The following TBX3 variants were observed in gnomAD, a reference collection of about 807,000 sequenced individuals.
TBX3 encodes the protein T-box transcription factor TBX3.
In TBX3, 11 loss-of-function variants were observed where a neutral mutation model predicts 47.8. That is an observed-to-expected ratio of 0.23 (90% confidence interval 0.14 to 0.38). TBX3 has a LOEUF of 0.38. Ranked by LOEUF, TBX3 falls within the 10% of genes least tolerant of loss-of-function variation. The pLI is 1.00. For missense variants in TBX3, 927 were observed against 1,022.8 expected (o/e 0.91, Z 1.28); for synonymous variants, 500 against 449.3 (o/e 1.11, Z -1.43).
intron 2 of TBX3, 133 bp from the exon 3 acceptor site, chr12:114,679,784 A>G: frequency 2.6e-6 from 4 of 1,527,428 alleles, no homozygotes; most frequent in Non-Finnish European, 3.6e-6. Flanking sequence ...ACCTCCTTGG[A>G]GTACCCCCTG....
chr12:114,677,481 T>G, intron 4 of TBX3, 99 bp downstream of exon 4: 1 of 1,174,904 alleles, frequency 8.5e-7, no homozygotes, highest in South Asian at 1.3e-5. Flanking sequence ...CCACCCGCTC[T>G]TAGGATAAGT....
At chr12:114,673,340 G>A (rs1868532627) in intron 6 of TBX3, among the ~76,000 whole-genome samples, 1 of 152,202 alleles carries the variant, frequency 6.6e-6, no homozygotes, top group Admixed American at 6.5e-5. Flanking sequence ...AAACCTCATA[G>A]AACCTTTTCA....
At chr12:114,680,285 G>T (rs1868871119) in intron 2 of TBX3, 2 of 410,622 alleles carry the variant, frequency 4.9e-6, no homozygotes, top group Non-Finnish European at 4.5e-6. Context: ...TACAAGCAAT[G>T]AAAGTTTTCT....
chr12:114,680,844 G>T, intron 2 of TBX3, 35 bp downstream of exon 2: 2 of 1,614,022 alleles, frequency 1.2e-6, no homozygotes, highest in Non-Finnish European at 1.7e-6. Flanking sequence ...AGTGAAGGAG[G>T]AGAAAATTTT....
intron 3 of TBX3, 45 bp downstream of exon 3, chr12:114,679,460 G>C: frequency 6.2e-7 from 1 of 1,613,724 alleles, no homozygotes; most frequent in Non-Finnish European, 8.5e-7. Context: ...CTTTTAAGGG[G>C]AAGGCAAAAT....
At chr12:114,677,339 T>G (rs1011809733) in intron 4 of TBX3, among the ~76,000 whole-genome samples, 3 of 152,206 alleles carry the variant, frequency 2.0e-5, no homozygotes, top group Non-Finnish European at 4.4e-5. Flanking sequence ...CTATTATCCC[T>G]GATGCTTCTC....
At chr12:114,682,170 T>C (rs1868961078) in intron 1 of TBX3, among the ~76,000 whole-genome samples, 1 of 152,198 alleles carries the variant, frequency 6.6e-6, no homozygotes, top group Admixed American at 6.5e-5. Context: ...AAGGTGTGTG[T>C]CTCCTCACTG....
intron 5 of TBX3, among the ~76,000 whole-genome samples, 164 bp from the exon 6 acceptor site, chr12:114,674,999 A>T (rs1435863197): frequency 1.3e-5 from 2 of 152,208 alleles, no homozygotes; most frequent in Non-Finnish European, 2.9e-5. Flanking sequence ...TCATCTGCAA[A>T]ATGGGGATAA....
chr12:114,684,035 G>T lies in TBX3; in HGVS notation c.-835C>A. ...GCGCGCAGGGCAGGGAGGATTTAGAGGGGGAAAAAATGGAACAGAGGGAAA... is the reference window on the plus strand; with the variant it reads ...GCGCGCAGGGCAGGGAGGATTTAGATGGGGAAAAAATGGAACAGAGGGAAA... On this transcript the variant is annotated 5_prime_UTR_variant, in exon 1 of 7. Transcript: ENST00000349155. The T allele has an allele frequency of 4.3e-6, 1 of 230,982 alleles. No homozygotes were observed. Among genetic ancestry groups the T allele is most frequent in the Non-Finnish European group, 8.6e-6 (1 of 116,868 alleles). The allele number at this position is 230,982 out of a possible 1,614,324, so 14.3% of individuals were successfully genotyped here.
chr12:114,675,633 AGTGTGTGTGTGTGTGTGTGTGTGTGTGT>A (rs3068612), intron 5 of TBX3, among the ~76,000 whole-genome samples: 2 of 149,984 alleles, frequency 1.3e-5, no homozygotes, highest in Non-Finnish European at 3.0e-5. Flanking sequence ...TCCCGTTGAG[AGTGTGTGTGTGTGTGTGTGTGTGTGTGT>A]GTGTGTGTGT....
In TBX3 at chr12:114,674,191, G is replaced by T; in HGVS notation, c.1684C>A (p.Leu562Ile). 6.3e-7 allele frequency: 1 copy of T among 1,584,324 alleles called. No homozygotes were observed. Among genetic ancestry groups the T allele is most frequent in the Non-Finnish European group, 8.6e-7 (1 of 1,167,188 alleles). ...GASAATLPFH[L>I]QQHVLASQGL... The stretch of plus-strand genomic sequence containing the variant: ...TGAGAGGCCAGGACGTGCTGCTGGA[G>T]GTGGAAGGGCAGGGTGGCCGCGGAC... Residue 562 changes from leucine to isoleucine, a missense_variant, in exon 6 of 7, where the codon CTC becomes ATC. Transcript: ENST00000349155.
intron 3 of TBX3, among the ~76,000 whole-genome samples, chr12:114,678,654 A>G (rs1416746670): frequency 6.6e-6 from 1 of 152,210 alleles, no homozygotes; most frequent in Admixed American, 6.5e-5. Context: ...GTCAGGTAAA[A>G]TGGACTCTCT....
Position 114,671,743 on chromosome 12 carries a change from G to C in TBX3, c.*98C>G. 6.8e-7 allele frequency: 1 copy of C among 1,478,310 alleles called. No individual in the cohort carries two copies. 91.6% of individuals were successfully genotyped at this position (1,478,310 alleles called of 1,614,324 possible). A position where few individuals can be genotyped will look rare whatever the true frequency, so the allele number is the denominator to read the frequency against. On this transcript the variant is annotated 3_prime_UTR_variant, in exon 7 of 7. Transcript: ENST00000349155. ...TTCCCAGACGCAACTGCAAAAGGAA[G>C]GGCTAACGCCATGGCGGGCCCGTGG...
rs1156417799 is a variant in TBX3 at position 114,671,692 on chromosome 12, A to C, written c.*149T>G. 2.2e-6 allele frequency: 2 copies of C among 923,378 alleles called. No homozygotes were observed. The highest frequency in any genetic ancestry group is 3.4e-6 in the Non-Finnish European group (2 of 589,926). The allele number at this position is 923,378 out of a possible 1,614,324, so 57.2% of individuals were successfully genotyped here. Reference sequence around the variant, plus strand: ...AGAAGACAGGGGCTGTCTCTAGCACATTCTCTCGAGGGAGTCCGGGGCCCC... The same window carrying C: ...AGAAGACAGGGGCTGTCTCTAGCACCTTCTCTCGAGGGAGTCCGGGGCCCC... On this transcript the variant is annotated 3_prime_UTR_variant, in exon 7 of 7. Transcript: ENST00000349155.
rs1377283630 is a variant in TBX3 at position 114,677,663 on chromosome 12, G to C, written c.805-7C>G. 2.5e-6 allele frequency: 4 copies of C among 1,613,402 alleles called. No individual in the cohort carries two copies. Among genetic ancestry groups the C allele is most frequent in the Admixed American group, 1.7e-5 (1 of 59,996 alleles). On this transcript the variant is annotated splice_polypyrimidine_tract_variant and splice_region_variant and intron_variant, in intron 3 of 6. Transcript: ENST00000349155. ...CTATTTTTAACTGGGTTATCTATTG[G>C]AAGAGACACAAGCAAGACAGAGACA...
chr12:114,677,937 G>A (rs1868776113), intron 3 of TBX3, among the ~76,000 whole-genome samples: 2 of 152,040 alleles, frequency 1.3e-5, no homozygotes, highest in African/African-American at 4.8e-5. Context: ...GTCATCAAGA[G>A]GGAAAACCTG....
In TBX3 at chr12:114,674,460, T is replaced by G. The variant is rs2121383320; in HGVS notation, c.1415A>C (p.His472Pro). 1.9e-6 allele frequency: 3 copies of G among 1,543,450 alleles called. No individual in the cohort carries two copies. Among genetic ancestry groups the G allele is most frequent in the Non-Finnish European group, 2.6e-6 (3 of 1,144,212 alleles). Residue 472 changes from histidine (H) to proline (P), a missense_variant, in exon 6 of 7, where the codon CAC becomes CCC. Around this residue, in one of 5 missense-constraint regions of TBX3, gnomAD observed 623 missense variants for 569.0 expected, o/e 1.09. Transcript: ENST00000349155. ...LTVQTDAAAAHLAQGPLPGLG... is the reference protein window; with the variant it reads ...LTVQTDAAAAPLAQGPLPGLG... ...GCCAGGCAGGGGGCCCTGGGCCAGG[T>G]GCGCGGCGGCCGCGTCCGTCTGCAC...
In TBX3 at chr12:114,676,323, C is replaced by T. The variant is rs1367436140; in HGVS notation, c.1029G>A (p.Ser343=). 16 of 1,613,712 alleles carry T rather than the reference C, an allele frequency of 9.9e-6. No homozygotes were observed. The highest frequency in any genetic ancestry group is 2.7e-5 in the African/African-American group (2 of 74,896). The part of the protein sequence containing the change: ...SSPAASTVGT[S]NLKDLCPSEG... ...GGTGACATGGTTTACCTTTGAGGTT[C>T]GATGTCCCTACAGTGGAGGCGGCTG... The change falls in exon 5 of 7, where the codon TCG becomes TCA. Residue 343 remains serine (S), a synonymous_variant. Coordinates refer to ENST00000349155, the MANE Select transcript of TBX3 (RefSeq NM_005996.4).
intron 6 of TBX3, 108 bp from the exon 7 acceptor site, chr12:114,672,410 G>T: frequency 1.0e-6 from 1 of 982,946 alleles, no homozygotes; most frequent in Non-Finnish European, 1.4e-6. Context: ...TGAATCCCTG[G>T]TATGTTCTGT....
Sources: gnomAD v4.1 joint callset for allele counts (sites outside exome capture counted in the v4.1 genomes callset) on GRCh38, gnomAD v4.1.1 for gene constraint, gnomAD v4.1.1 regional missense constraint, MANE v1.5 for transcripts, NCBI Gene and HGNC (gene_info 2026-07-23, HGNC 2026-07-21) for gene names.